NOSTRIN: variants seen among roughly 807,000 people sequenced by gnomAD.
The protein encoded by NOSTRIN is nitric oxide synthase trafficking, also known as BM247 homolog.
NOSTRIN carries 63 observed loss-of-function variants against 59.0 expected under a neutral mutation model. That is an observed-to-expected ratio of 1.07 (90% CI 0.87 to 1.32). NOSTRIN has a LOEUF of 1.32. NOSTRIN is among the 40% of genes most tolerant of loss of function. The pLI, the probability that NOSTRIN is intolerant of heterozygous loss-of-function variation, is 0.00. For missense variants in NOSTRIN, 512 were observed against 473.1 expected (o/e 1.08, Z -0.76); for synonymous variants, 200 against 165.4 (o/e 1.21, Z -1.61).
intron 1 of NOSTRIN, among the ~76,000 whole-genome samples, chr2:168,808,762 T>TA (rs1214328871): frequency 6.6e-6 from 1 of 152,122 alleles, no homozygotes; most frequent in Non-Finnish European, 1.5e-5. Context: ...TAAACACCAT[T>TA]AAAAAGTCAA....
rs1489389920 is a variant in NOSTRIN at position 168,824,655 on chromosome 2, T to C, written c.135T>C (p.Tyr45=). 3.4e-6 allele frequency: 3 copies of C among 872,778 alleles called. No homozygotes were observed. Among genetic ancestry groups the C allele is most frequent in the Admixed American group, 1.7e-5 (1 of 59,190 alleles). The allele number at this position is 872,778 out of a possible 1,614,324, so 54.1% of individuals were successfully genotyped here. A position where few individuals can be genotyped will look rare whatever the true frequency, so the allele number is the denominator to read the frequency against. The change falls in exon 3 of 16, where the codon TAT becomes TAC. Residue 45 remains tyrosine, a synonymous_variant. Transcript: ENST00000317647. ...ACAGGGCAAACCTGGAAATTAGCTA[T>C]GCCAAAGGACTTCAGAAACTGGCAA... ...LQQRANLEIS[Y]AKGLQKLASK...
chr2:168,800,735 A>G (rs1685588788), upstream of NOSTRIN, among the ~76,000 whole-genome samples: 1 of 152,106 alleles, frequency 6.6e-6, no homozygotes, highest in African/African-American at 2.4e-5. Flanking sequence ...GAAACACAGA[A>G]CAGCAAGAAA....
upstream of NOSTRIN, among the ~76,000 whole-genome samples, chr2:168,794,611 A>G (rs1685435343): frequency 6.6e-6 from 1 of 152,276 alleles, no homozygotes; most frequent in South Asian, 2.1e-4. Flanking sequence ...TCGGCCTCCC[A>G]AAGTGCTAGG....
chr2:168,859,470 T>C, intron 12 of NOSTRIN, 42 bp from the exon 13 acceptor site: 1 of 1,607,610 alleles, frequency 6.2e-7, no homozygotes, highest in South Asian at 1.1e-5. Context: ...TGTGCCTCAT[T>C]TACTAGAAAT....
intron 2 of NOSTRIN, among the ~76,000 whole-genome samples, chr2:168,822,679 C>T (rs1388286528): frequency 2.6e-5 from 4 of 152,194 alleles, no homozygotes; most frequent in Non-Finnish European, 5.9e-5. Context: ...AAGATGCCCT[C>T]ATTTTAGCTA....
intron 10 of NOSTRIN, among the ~76,000 whole-genome samples, chr2:168,853,396 T>A (rs561093014): frequency 6.6e-6 from 1 of 152,346 alleles, no homozygotes; most frequent in East Asian, 1.9e-4. Flanking sequence ...AAGGTTACCA[T>A]AAATGCCATG....
chr2:168,812,799 G>T lies in NOSTRIN; in HGVS notation c.113+1147G>T, dbSNP rs186639299. ...CTTTAGGTGGGAAAGGCAGAGAGAG[G>T]GGCAGAGTGTGTCCCTTTGTTTTAA... On this transcript the variant is annotated intron_variant, in intron 2 of 15. Coordinates refer to ENST00000317647, the MANE Select transcript of NOSTRIN (RefSeq NM_001039724.4). Among the ~76,000 whole-genome samples, 3 of 152,276 alleles carry T rather than the reference G, an allele frequency of 2.0e-5. No homozygotes were observed. The East Asian group carries it at 5.8e-4, about 29-fold the overall frequency.
At chr2:168,803,803 C>T (rs1359945101) in intron 1 of NOSTRIN, among the ~76,000 whole-genome samples, 4 of 152,146 alleles carry the variant, frequency 2.6e-5, no homozygotes, top group Non-Finnish European at 5.9e-5. Flanking sequence ...CCTTTAATTA[C>T]TTCAATCTCA....
chr2:168,860,736 T>G, intron 13 of NOSTRIN, 59 bp from the exon 14 acceptor site: 1 of 1,073,618 alleles, frequency 9.3e-7, no homozygotes, highest in Non-Finnish European at 1.4e-6. Flanking sequence ...AGAGTTAATT[T>G]TCATGAATGT....
intron 7 of NOSTRIN, among the ~76,000 whole-genome samples, chr2:168,837,022 C>T (rs1375503794): frequency 3.3e-5 from 5 of 152,086 alleles, no homozygotes; most frequent in South Asian, 2.1e-4. Flanking sequence ...GGTTGCAGAC[C>T]GGCTACTTCT....
At chr2:168,848,524 C>G (rs957466044) in intron 8 of NOSTRIN, among the ~76,000 whole-genome samples, 6 of 152,082 alleles carry the variant, frequency 3.9e-5, no homozygotes, top group African/African-American at 1.4e-4. Context: ...CCTTTTACTA[C>G]TTTCATTTGC....
At position 168,865,078 on chromosome 2, in the gene NOSTRIN, T is replaced by A; in HGVS notation, c.*108T>A. 1 of 1,231,184 alleles carries A rather than the reference T, an allele frequency of 8.1e-7. No individual in the cohort carries two copies. Among genetic ancestry groups the A allele is most frequent in the Non-Finnish European group, 1.1e-6 (1 of 883,274 alleles). The allele number at this position is 1,231,184 out of a possible 1,614,324, so 76.3% of individuals were successfully genotyped here. On this transcript the variant is annotated 3_prime_UTR_variant, in exon 16 of 16. Coordinates refer to ENST00000317647, the MANE Select transcript of NOSTRIN (RefSeq NM_001039724.4). ...TTACATGTTTTTCTTTTGAAATGGA[T>A]GGAGTTCTACCTGCATGTCACAGCA...
intron 2 of NOSTRIN, among the ~76,000 whole-genome samples, chr2:168,817,420 G>A (rs1374408562): frequency 6.6e-6 from 1 of 152,204 alleles, no homozygotes; most frequent in East Asian, 1.9e-4. Context: ...GAGGTTAAGT[G>A]GGCAGGGCTC....
Position 168,862,057 on chromosome 2 carries a change from T to A in NOSTRIN, c.1384+8T>A. ...AGTTGAATTTGGAAAAGGGTAAGAA[T>A]CATTCTCAAATATTTTAATTGCCTT... On this transcript the variant is annotated splice_region_variant and intron_variant, in intron 15 of 15. Transcript: ENST00000317647. 6.2e-7 allele frequency: 1 copy of A among 1,611,902 alleles called. No homozygotes were observed. Among genetic ancestry groups the A allele is most frequent in the Non-Finnish European group, 8.5e-7 (1 of 1,177,996 alleles).
intron 2 of NOSTRIN, among the ~76,000 whole-genome samples, chr2:168,822,592 T>C (rs748524890): frequency 2.6e-5 from 4 of 152,252 alleles, no homozygotes; most frequent in African/African-American, 9.6e-5. Flanking sequence ...TCTTAGGATC[T>C]ATATTAAAAA....
At chr2:168,789,603 G>A (rs564396038) in intron 2 of NOSTRIN, among the ~76,000 whole-genome samples, 11 of 152,310 alleles carry the variant, frequency 7.2e-5, no homozygotes, top group Admixed American at 7.2e-4. Flanking sequence ...ATCAGCTGGA[G>A]TGTGCCTCCT....
chr2:168,835,235 C>T (rs186965123), intron 7 of NOSTRIN, among the ~76,000 whole-genome samples: 2,008 of 151,284 alleles, frequency 0.013, 28 homozygotes, highest in South Asian at 0.018. Flanking sequence ...CCACCATGCT[C>T]GGCTAATTTT....
chr2:168,855,824 G>C, intron 11 of NOSTRIN: 1 of 442,826 alleles, frequency 2.3e-6, no homozygotes, highest in Non-Finnish European at 4.4e-6. Flanking sequence ...TGAGTTTTTT[G>C]GTTTGTTTCT....
upstream of NOSTRIN, among the ~76,000 whole-genome samples, chr2:168,793,637 A>G (rs1685411622): frequency 6.6e-6 from 1 of 152,012 alleles, no homozygotes; most frequent in African/African-American, 2.4e-5. Context: ...CAAAATCTAA[A>G]TATCACAAAT....
Sources: gnomAD v4.1 joint callset for allele counts (sites outside exome capture counted in the v4.1 genomes callset) on GRCh38, gnomAD v4.1.1 for gene constraint, MANE v1.5 for transcripts, NCBI Gene and HGNC (gene_info 2026-07-23, HGNC 2026-07-21) for gene names.